SS18: variants seen among roughly 807,000 people sequenced by gnomAD.
SS18 encodes the protein SS18 subunit of BAF chromatin remodeling complex.
In SS18, 28 loss-of-function variants were observed where a neutral mutation model predicts 72.5. That is an observed-to-expected ratio of 0.39 (90% CI 0.29 to 0.53). The LOEUF is 0.53. Ranked by LOEUF, SS18 falls within the 20% of genes least tolerant of loss-of-function variation. SS18 has a pLI of 0.76. For missense variants in SS18, 518 were observed against 535.3 expected (o/e 0.97, Z 0.32); for synonymous variants, 172 against 164.2 (o/e 1.05, Z -0.37).
At chr18:26,087,455 C>T (rs2054635383) in intron 2 of SS18, 46 bp downstream of exon 2, 1 of 1,061,646 alleles carries the variant, frequency 9.4e-7, no homozygotes, top group Admixed American at 2.2e-5. Flanking sequence ...AAAAAATTAA[C>T]CAATACAAAA....
chr18:26,028,852 T>C (rs1195528039), intron 10 of SS18, among the ~76,000 whole-genome samples: 5 of 152,200 alleles, frequency 3.3e-5, no homozygotes, highest in African/African-American at 1.2e-4. Flanking sequence ...CACAGGTGTG[T>C]ATATACGTGT....
At chr18:26,067,708 C>A (rs2054244319) in intron 3 of SS18, among the ~76,000 whole-genome samples, 1 of 152,120 alleles carries the variant, frequency 6.6e-6, no homozygotes, top group African/African-American at 2.4e-5. Flanking sequence ...AGACGACGAG[C>A]TGCGCAGCCA....
intron 3 of SS18, among the ~76,000 whole-genome samples, chr18:26,065,291 T>C (rs769163772): frequency 6.6e-6 from 1 of 152,000 alleles, no homozygotes; most frequent in Non-Finnish European, 1.5e-5. Context: ...GGAAGAACAC[T>C]AGAATATACA....
chr18:26,061,352 G>C (rs566226305), intron 3 of SS18, among the ~76,000 whole-genome samples: 1 of 152,256 alleles, frequency 6.6e-6, no homozygotes, highest in East Asian at 1.9e-4. Flanking sequence ...AGGACAGACG[G>C]AGAATTTCAG....
chr18:26,033,068 T>G lies in SS18; in HGVS notation c.1097-536A>C, dbSNP rs560147616. Among the ~76,000 whole-genome samples, 3 of 152,292 alleles carry G rather than the reference T, an allele frequency of 2.0e-5. 1 individual carries two copies. Among genetic ancestry groups the G allele is most frequent in the African/African-American group, 7.2e-5 (3 of 41,566 alleles). ...TATTTTAAAACAGAAACTAAAAACA[T>G]GAAAACCCACAGGTTACATGTGAAA... is the stretch of plus-strand genomic sequence containing the variant. On this transcript the variant is annotated intron_variant, in intron 9 of 10. Transcript: ENST00000415083.
chr18:26,072,204 T>C (rs888088004), intron 3 of SS18, among the ~76,000 whole-genome samples: 1 of 152,096 alleles, frequency 6.6e-6, no homozygotes, highest in Non-Finnish European at 1.5e-5. Flanking sequence ...ATGTATATTA[T>C]AATCTATACA....
At chr18:26,044,360 T>C (rs1479324895) in intron 5 of SS18, among the ~76,000 whole-genome samples, 1 of 151,082 alleles carries the variant, frequency 6.6e-6, no homozygotes, top group Non-Finnish European at 1.5e-5. Context: ...AGTCTTGCTC[T>C]GTCACCCAGG....
chr18:26,042,757 G>C (rs566120405), intron 5 of SS18, among the ~76,000 whole-genome samples: 1 of 152,082 alleles, frequency 6.6e-6, no homozygotes, highest in South Asian at 2.1e-4. Context: ...GATGAGCACT[G>C]TCACTGTCTA....
intron 2 of SS18, among the ~76,000 whole-genome samples, chr18:26,086,750 T>G (rs2054622185): frequency 6.6e-6 from 1 of 152,238 alleles, no homozygotes; most frequent in Non-Finnish European, 1.5e-5. Flanking sequence ...GTTCTCTATT[T>G]ATTAGATATA....
intron 1 of SS18, 47 bp downstream of exon 1, chr18:26,090,454 C>T (rs758545193): frequency 8.5e-6 from 13 of 1,537,938 alleles, no homozygotes; most frequent in Non-Finnish European, 1.1e-5. Context: ...GTCTGTCTCT[C>T]CCAGAGGCGG....
intron 2 of SS18, among the ~76,000 whole-genome samples, chr18:26,081,052 G>A (rs902505521): frequency 3.0e-5 from 4 of 131,656 alleles, no homozygotes; most frequent in Non-Finnish European, 4.6e-5. Context: ...TTTTCAGTCC[G>A]CAGTCCGGCC....
At chr18:26,081,720 T>C (rs1414700956) in intron 2 of SS18, among the ~76,000 whole-genome samples, 1 of 148,604 alleles carries the variant, frequency 6.7e-6, no homozygotes. Flanking sequence ...ATAGTTACGT[T>C]TCTCACTGAA....
chr18:26,087,061 T>C (rs905507000), intron 2 of SS18, among the ~76,000 whole-genome samples: 1 of 152,130 alleles, frequency 6.6e-6, no homozygotes, highest in Admixed American at 6.5e-5. Flanking sequence ...TACAGCTGCA[T>C]AACGGAAAAA....
At chr18:26,049,307 T>A (rs1410784919) in intron 5 of SS18, among the ~76,000 whole-genome samples, 1 of 152,210 alleles carries the variant, frequency 6.6e-6, no homozygotes, top group South Asian at 2.1e-4. Flanking sequence ...AGACAGGTGA[T>A]CATATAACAC....
intron 10 of SS18, among the ~76,000 whole-genome samples, chr18:26,023,807 C>T (rs2053395242): frequency 6.6e-6 from 1 of 151,464 alleles, no homozygotes. Context: ...ATGAAGAGTA[C>T]CAAAAACGGT....
chr18:26,064,301 A>T (rs1320551105), intron 3 of SS18, among the ~76,000 whole-genome samples: 1 of 152,154 alleles, frequency 6.6e-6, no homozygotes, highest in Non-Finnish European at 1.5e-5. Flanking sequence ...ATTCTTTATG[A>T]AACTACCAAA....
intron 1 of SS18, among the ~76,000 whole-genome samples, chr18:26,088,024 T>C (rs779968255): frequency 6.6e-6 from 1 of 152,162 alleles, no homozygotes; most frequent in African/African-American, 2.4e-5. Context: ...TATACAGAAA[T>C]TGAATCCCCT....
intron 10 of SS18, among the ~76,000 whole-genome samples, chr18:26,023,835 T>A (rs555112318): frequency 1.4e-5 from 2 of 139,864 alleles, no homozygotes; most frequent in African/African-American, 6.5e-5. Context: ...TGGGTCAATT[T>A]AAAAATTTTT....
At chr18:26,037,890 T>C (rs1342292639) in intron 7 of SS18, among the ~76,000 whole-genome samples, 1 of 152,088 alleles carries the variant, frequency 6.6e-6, no homozygotes. Context: ...ATTCAAATTT[T>C]CCTGAAGTAC....
Sources: gnomAD v4.1 joint callset for allele counts (sites outside exome capture counted in the v4.1 genomes callset) on GRCh38, gnomAD v4.1.1 for gene constraint, MANE v1.5 for transcripts, NCBI Gene and HGNC (gene_info 2026-07-23, HGNC 2026-07-21) for gene names.